ELMO1: variants seen among roughly 807,000 people sequenced by gnomAD.
ELMO1 encodes engulfment and cell motility protein 1.
A neutral mutation model predicts 98.9 loss-of-function variants in ELMO1; 26 were observed. The ratio of observed to expected loss-of-function variants is 0.26; its 90% CI spans 0.19 to 0.36. The LOEUF is 0.36. ELMO1 is among the 10% of genes least tolerant of loss of function. The pLI is 1.00. For missense variants in ELMO1, 627 were observed against 935.2 expected (o/e 0.67, Z 4.30); for synonymous variants, 346 against 346.0 (o/e 1.00, Z 0.00).
intron 16 of ELMO1, among the ~76,000 whole-genome samples, chr7:36,971,524 G>C (rs1789950631): frequency 6.6e-6 from 1 of 152,192 alleles, no homozygotes; most frequent in South Asian, 2.1e-4. Context: ...CTGTTGGTTT[G>C]AAGGGTTGTA....
intron 1 of ELMO1, among the ~76,000 whole-genome samples, chr7:37,433,797 T>G (rs80258026): frequency 6.6e-6 from 1 of 152,040 alleles, no homozygotes. Flanking sequence ...TTGGCAGTCA[T>G]GAACTAGTTT....
intron 13 of ELMO1, chr7:37,204,045 A>AACTG: frequency 2.2e-6 from 1 of 453,430 alleles, no homozygotes; most frequent in South Asian, 1.6e-5. Flanking sequence ...CCCAGTATTT[A>AACTG]GCCCCCGAAT....
Position 37,200,783 on chromosome 7 carries a change from T to G in ELMO1, c.1086+10603A>C, listed in dbSNP as rs529871448. On this transcript the variant is annotated intron_variant, in intron 13 of 21. Coordinates refer to ENST00000310758, the MANE Select transcript of ELMO1 (RefSeq NM_014800.11). ...GAGTTTGAGACCAGCCTGGGCAACATGGTGAAATGCTGTCTCTACCACAAA... is the reference window on the plus strand; with the variant it reads ...GAGTTTGAGACCAGCCTGGGCAACAGGGTGAAATGCTGTCTCTACCACAAA... Among the ~76,000 whole-genome samples the G allele has an allele frequency of 5.9e-5, 9 of 151,906 alleles. 1 individual carries two copies. The highest frequency in any genetic ancestry group is 1.9e-4 in the African/African-American group (8 of 41,420).
At chr7:37,113,036 C>T (rs1007233453) in intron 14 of ELMO1, among the ~76,000 whole-genome samples, 3 of 152,164 alleles carry the variant, frequency 2.0e-5, no homozygotes, top group African/African-American at 7.2e-5. Context: ...ATATCTGGGG[C>T]AAGGCCATTT....
At chr7:37,246,497 C>T (rs916421281) in intron 6 of ELMO1, among the ~76,000 whole-genome samples, 1 of 152,066 alleles carries the variant, frequency 6.6e-6, no homozygotes, top group African/African-American at 2.4e-5. Flanking sequence ...ATACCATGTG[C>T]CATCAACAGG....
chr7:37,316,495 A>G (rs1270046472), intron 2 of ELMO1, among the ~76,000 whole-genome samples: 1 of 152,232 alleles, frequency 6.6e-6, no homozygotes, highest in Non-Finnish European at 1.5e-5. Flanking sequence ...ATCATGCAGC[A>G]GCTTGAGCCA....
chr7:37,434,524 C>T (rs193267160), intron 1 of ELMO1, among the ~76,000 whole-genome samples: 16 of 152,338 alleles, frequency 1.1e-4, no homozygotes, highest in Admixed American at 1.0e-3. Flanking sequence ...AGTGATTGTA[C>T]AGTCACATTG....
intron 1 of ELMO1, among the ~76,000 whole-genome samples, chr7:37,421,519 A>G (rs1159813862): frequency 6.6e-6 from 1 of 152,204 alleles, no homozygotes; most frequent in African/African-American, 2.4e-5. Context: ...CCCAGATGCT[A>G]TAAATCTTTC....
At chr7:37,158,343 A>G (rs1026260591) in intron 13 of ELMO1, among the ~76,000 whole-genome samples, 3 of 152,248 alleles carry the variant, frequency 2.0e-5, no homozygotes, top group African/African-American at 7.2e-5. Context: ...TGCACAGCCA[A>G]AGTAACTATC....
intron 15 of ELMO1, among the ~76,000 whole-genome samples, chr7:37,081,595 C>T (rs1198303190): frequency 6.6e-6 from 1 of 152,200 alleles, no homozygotes; most frequent in African/African-American, 2.4e-5. Context: ...AAGCAAGTCT[C>T]ACGAGACAAG....
rs761554084 is a variant in ELMO1 at position 36,870,473 on chromosome 7, G to A, written c.1825C>T (p.Pro609Ser). The A allele has an allele frequency of 6.2e-7, 1 of 1,613,118 alleles. No individual in the cohort carries two copies. Among genetic ancestry groups the A allele is most frequent in the Admixed American group, 1.7e-5 (1 of 59,774 alleles). ...ACCACGGCTTTGATATCTGCCACCG[G>A]CACTGCAATTCATAAAAGAAAATGC... ...VPHDSLQDKL[P>S]VADIKAVVTG... The change falls in exon 20 of 22, where the codon CCG (proline) becomes TCG (serine). Residue 609 changes from proline (P) to serine (S), a missense_variant and splice_region_variant. Pro to Ser is a moderately conservative substitution (Grantham distance 74). This residue lies in a region of ELMO1 where 492 missense variants were observed against 715.6 expected (regional missense o/e 0.69). Transcript: ENST00000310758. This position sits in a 1 kb window ranked among gnomAD's most constrained non-coding sequence, Gnocchi z 4.4.
intron 1 of ELMO1, among the ~76,000 whole-genome samples, chr7:37,439,713 T>C (rs1158231385): frequency 6.6e-6 from 1 of 152,222 alleles, no homozygotes; most frequent in Non-Finnish European, 1.5e-5. Flanking sequence ...GCTTCTCTCA[T>C]ATAAACCCAA....
At chr7:37,383,103 ACTATTATATAAT>A (rs1401572058) in intron 1 of ELMO1, among the ~76,000 whole-genome samples, 5 of 152,238 alleles carry the variant, frequency 3.3e-5, no homozygotes, top group Admixed American at 6.5e-5. Flanking sequence ...ATTGATACAC[ACTATTATATAAT>A]CTACAGGCCC....
intron 16 of ELMO1, among the ~76,000 whole-genome samples, chr7:36,937,519 T>G (rs1786652484): frequency 6.6e-6 from 1 of 152,182 alleles, no homozygotes; most frequent in South Asian, 2.1e-4. Flanking sequence ...GACCATAATT[T>G]CCTGTTGTCT....
At chr7:37,350,291 T>C (rs1455033421) in intron 1 of ELMO1, among the ~76,000 whole-genome samples, 8 of 152,248 alleles carry the variant, frequency 5.3e-5, no homozygotes, top group African/African-American at 1.9e-4. Flanking sequence ...TAGCCATGTA[T>C]GCTAATCTCA....
intron 13 of ELMO1, among the ~76,000 whole-genome samples, chr7:37,188,463 C>CAT (rs1791359898): frequency 1.0e-5 from 1 of 99,722 alleles, no homozygotes; most frequent in African/African-American, 5.0e-5. Context: ...CAAACACACA[C>CAT]ACACACAGGC....
chr7:37,308,023 G>T (rs1027571601), intron 4 of ELMO1, among the ~76,000 whole-genome samples: 1 of 152,204 alleles, frequency 6.6e-6, no homozygotes, highest in Non-Finnish European at 1.5e-5. Flanking sequence ...TGAGGCAGGA[G>T]AATTGCTTGA....
At chr7:37,055,232 C>T (rs1796331697) in intron 15 of ELMO1, among the ~76,000 whole-genome samples, 1 of 152,212 alleles carries the variant, frequency 6.6e-6, no homozygotes, top group African/African-American at 2.4e-5. Flanking sequence ...AGAAAAGACA[C>T]TGTCCAGACT....
intron 21 of ELMO1, among the ~76,000 whole-genome samples, chr7:36,859,835 T>C (rs1275036995): frequency 3.3e-5 from 5 of 152,130 alleles, no homozygotes; most frequent in African/African-American, 1.2e-4. Flanking sequence ...CACTTATACA[T>C]GGATTTTTTT....
Sources: allele counts gnomAD v4.1 joint callset (sites outside exome capture counted in the v4.1 genomes callset), GRCh38; gene constraint gnomAD v4.1.1; regional missense constraint gnomAD v4.1.1; non-coding constraint Gnocchi (gnomAD v3.1); transcripts MANE v1.5; gene names NCBI Gene and HGNC (gene_info 2026-07-23, HGNC 2026-07-21).